Variants in TMEM132A observed in about 807,000 individuals in gnomAD.
TMEM132A encodes GRP78-binding protein.
TMEM132A carries 48 observed loss-of-function variants against 69.9 expected under a neutral mutation model. The observed-to-expected ratio is 0.69, with a 90% CI of 0.55 to 0.87. The LOEUF (loss-of-function observed/expected upper bound fraction) is 0.87, where lower values mean the gene tolerates loss of function less well. Ranked by LOEUF, TMEM132A falls within the 40% of genes least tolerant of loss-of-function variation. TMEM132A has a pLI of 0.00. For synonymous variants in TMEM132A, 577 were observed against 613.7 expected (o/e 0.94, Z 0.88); for missense variants, 1,287 against 1,407.2 (o/e 0.91, Z 1.37).
Position 60,932,051 on chromosome 11 carries a change from CT to C in TMEM132A, c.1281del (p.Val428TrpfsTer10), listed in dbSNP as rs748430651. On this transcript the variant is annotated frameshift_variant, in exon 7 of 11. Transcript: ENST00000453848. LOFTEE classifies it high-confidence loss of function. ...CAGCATGTCCCCGTGCGCCTTGTCA[CT>C]GTGGACGGCGGGGGGGCCTTGGTGG... ...VPQHVPVRLV[T>X]VDGGGALVEV... The C allele has an allele frequency of 1.9e-6, 3 of 1,593,660 alleles. No homozygotes were observed. The Admixed American group carries it at 5.3e-5, about 28-fold the overall frequency.
At chr11:60,930,685 G>A (rs1235048978) in intron 5 of TMEM132A, 26 bp downstream of exon 5, 3 of 1,592,198 alleles carry the variant, frequency 1.9e-6, no homozygotes, top group African/African-American at 1.3e-5. Context: ...CCACCCAGGG[G>A]GCAAAGGAGG....
In TMEM132A at chr11:60,936,828, G is replaced by T. The variant is rs755198034; in HGVS notation, c.2993G>T (p.Arg998Leu). 4 of 1,611,998 alleles carry T rather than the reference G, an allele frequency of 2.5e-6. No homozygotes were observed. The change falls in exon 11 of 11, where the codon CGC becomes CTC. Residue 998 changes from arginine to leucine, a missense_variant. Arg to Leu is a moderately radical substitution (Grantham distance 102). Transcript: ENST00000453848. The part of the protein sequence containing the change: ...SILVAGEEDI[R>L]WVCEDMGLKD... ...CTTGTGGCAGGCGAGGAGGACATCC[G>T]CTGGGTGTGTGAGGACATGGGGCTG...
intron 4 of TMEM132A, 149 bp from the exon 5 acceptor site, chr11:60,930,361 G>A (rs1161305375): frequency 1.6e-5 from 14 of 877,646 alleles, no homozygotes; most frequent in African/African-American, 8.6e-5. Context: ...GCACTGAGGC[G>A]GGGTCCTTCT....
At chr11:60,930,407 A>G in intron 4 of TMEM132A, 103 bp from the exon 5 acceptor site, 1 of 1,358,996 alleles carries the variant, frequency 7.4e-7, no homozygotes, top group Non-Finnish European at 9.9e-7. Context: ...TTCAGACTGG[A>G]GCCAGGGAGG....
chr11:60,926,031 T>A (rs1052540447), intron 1 of TMEM132A: 2 of 152,146 alleles, frequency 1.3e-5, no homozygotes, highest in African/African-American at 4.8e-5. Flanking sequence ...ATAGGAAGAT[T>A]ACTAATTCAG....
chr11:60,927,561 C>T, intron 2 of TMEM132A, 80 bp from the exon 3 acceptor site: 2 of 1,457,894 alleles, frequency 1.4e-6, no homozygotes, highest in South Asian at 2.5e-5. Context: ...AGGTTCTCTT[C>T]TGCCAAGCTG....
In TMEM132A at chr11:60,934,560, G is replaced by C. The variant is rs1856548035; in HGVS notation, c.1632G>C (p.Gln544His). ...CCCGTGGCTGCCACCTGCAGTACCA[G>C]CGGGCCGGTGTGCGCTTCCTCGCCC... The part of the protein sequence containing the change: ...RRARGCHLQY[Q>H]RAGVRFLAPF... The change falls in exon 9 of 11, where the codon CAG becomes CAC. Residue 544 changes from glutamine (Q) to histidine (H), a missense_variant. Transcript: ENST00000453848. 1 of 1,526,544 alleles carries C rather than the reference G, an allele frequency of 6.6e-7. No individual in the cohort carries two copies. The allele number at this position is 1,526,544 out of a possible 1,614,324, so 94.6% of individuals were successfully genotyped here.
chr11:60,934,779 A>G lies in TMEM132A; in HGVS notation c.1836+15A>G. On this transcript the variant is annotated intron_variant, in intron 9 of 10. Coordinates refer to ENST00000453848, the MANE Select transcript of TMEM132A (RefSeq NM_178031.3). Reference sequence around the variant, plus strand: ...CCTCCATTGAGGTAAGCAGCTGGGGACCAGGAGAGTAGACCCCCTGAGAAG... The same window carrying G: ...CCTCCATTGAGGTAAGCAGCTGGGGGCCAGGAGAGTAGACCCCCTGAGAAG... The G allele has an allele frequency of 6.3e-7, 1 of 1,586,084 alleles. No homozygotes were observed. Among genetic ancestry groups the G allele is most frequent in the Non-Finnish European group, 8.6e-7 (1 of 1,163,898 alleles).
At chr11:60,930,433 T>G (rs4939480) in intron 4 of TMEM132A, 77 bp from the exon 5 acceptor site, 6 of 1,478,604 alleles carry the variant, frequency 4.1e-6, no homozygotes, top group Admixed American at 4.5e-5. Context: ...TGGCTTTGGC[T>G]CCTTGTCTTT....
Position 60,934,764 on chromosome 11 carries a change from G to A in TMEM132A, c.1836G>A (p.Glu612=), listed in dbSNP as rs1193582148. The part of the protein sequence containing the change: ...VGREPGVTSI[E]VRSPLSDSIL... Reference sequence around the variant, plus strand: ...GGGAGCCCGGTGTCACCTCCATTGAGGTAAGCAGCTGGGGACCAGGAGAGT... The same window carrying A: ...GGGAGCCCGGTGTCACCTCCATTGAAGTAAGCAGCTGGGGACCAGGAGAGT... The change falls in exon 9 of 11, where the codon GAG becomes GAA. Residue 612 remains glutamate, a splice_region_variant and synonymous_variant. Transcript: ENST00000453848. The A allele has an allele frequency of 1.1e-5, 17 of 1,596,322 alleles. No homozygotes were observed. Among genetic ancestry groups the A allele is most frequent in the Non-Finnish European group, 1.4e-5 (16 of 1,169,964 alleles).
chr11:60,933,588 G>C lies in TMEM132A; in HGVS notation c.1403G>C (p.Arg468Pro). 1 of 1,607,344 alleles carries C rather than the reference G, an allele frequency of 6.2e-7. No individual in the cohort carries two copies. The highest frequency in any genetic ancestry group is 8.5e-7 in the Non-Finnish European group (1 of 1,179,240). ...GTGTTCGTGGCTGGCAAGGAGAGCC[G>C]GGGCGCCCGGGGGGTGCGAGTGGAC... ...DAVFVAGKES[R>P]GARGVRVDFW... The change falls in exon 8 of 11, where the codon CGG becomes CCG. Residue 468 changes from arginine (R) to proline (P), a missense_variant. Physicochemically the swap from Arg to Pro is moderately radical, Grantham distance 103. Coordinates refer to ENST00000453848, the MANE Select transcript of TMEM132A (RefSeq NM_178031.3).
At chr11:60,934,864 G>T in intron 9 of TMEM132A, 100 bp downstream of exon 9, 1 of 1,291,758 alleles carries the variant, frequency 7.7e-7, no homozygotes, top group Non-Finnish European at 1.0e-6. Flanking sequence ...GGAGCCCAGA[G>T]TGTGTGGGGG....
chr11:60,936,341 A>G lies in TMEM132A; in HGVS notation c.2506A>G (p.Met836Val), dbSNP rs144025770. 20 of 1,613,950 alleles carry G rather than the reference A, an allele frequency of 1.2e-5. No homozygotes were observed. The highest frequency in any genetic ancestry group is 1.7e-5 in the Non-Finnish European group (20 of 1,179,990). The change falls in exon 11 of 11, where the codon ATG becomes GTG. Residue 836 changes from methionine to valine, a missense_variant. By Grantham distance (21) the Met-to-Val change is conservative. Transcript: ENST00000453848. ...REEEEEEEEE[M>V]VPAPQHVTEL... is the part of the protein sequence containing the mutation. ...GGAGGAGGAGGAAGAGGAGGAGGAGATGGTCCCTGCCCCTCAGCATGTCAC... is the reference window on the plus strand; with the variant it reads ...GGAGGAGGAGGAAGAGGAGGAGGAGGTGGTCCCTGCCCCTCAGCATGTCAC...
At chr11:60,933,295 A>G (rs980672861) in intron 7 of TMEM132A, 5 of 530,334 alleles carry the variant, frequency 9.4e-6, no homozygotes, top group Non-Finnish European at 1.3e-5. Flanking sequence ...GGATCCTCCC[A>G]CCTCAGCCTC....
intron 7 of TMEM132A, chr11:60,933,314 C>T: frequency 1.8e-6 from 1 of 558,844 alleles, no homozygotes. Flanking sequence ...TCCCCAGTAG[C>T]TAGGACTACA....
At position 60,924,797 on chromosome 11, in the gene TMEM132A, G is replaced by T; in HGVS notation, c.100+64G>T. The T allele has an allele frequency of 2.5e-6, 3 of 1,194,498 alleles. No homozygotes were observed. The South Asian group carries it at 4.5e-5, about 18-fold the overall frequency. 74.0% of individuals were successfully genotyped at this position (1,194,498 alleles called of 1,614,324 possible). A position where few individuals can be genotyped will look rare whatever the true frequency, so the allele number is the denominator to read the frequency against. Reference sequence around the variant, plus strand: ...GCCCGGCCGAGTGGGAGCGAGTGATGCCCGGGAGCCACCAACCTTTGGGTT... The same window carrying T: ...GCCCGGCCGAGTGGGAGCGAGTGATTCCCGGGAGCCACCAACCTTTGGGTT... On this transcript the variant is annotated intron_variant, in intron 1 of 10. Coordinates refer to ENST00000453848, the MANE Select transcript of TMEM132A (RefSeq NM_178031.3).
intron 2 of TMEM132A, 74 bp downstream of exon 2, chr11:60,927,492 G>A (rs1380070011): frequency 7.5e-6 from 11 of 1,467,534 alleles, no homozygotes; most frequent in Non-Finnish European, 8.3e-6. Context: ...CAAATTGGGA[G>A]CCTTCCCCAG....
At position 60,934,741 on chromosome 11, in the gene TMEM132A, G is replaced by C; in HGVS notation, c.1813G>C (p.Glu605Gln). Reference protein sequence around the residue: ...LEGGRVVVGREPGVTSIEVRS... With the variant: ...LEGGRVVVGRQPGVTSIEVRS... The stretch of plus-strand genomic sequence containing the variant: ...GGGTGGCCGTGTCGTGGTGGGCCGG[G>C]AGCCCGGTGTCACCTCCATTGAGGT... The change falls in exon 9 of 11, where the codon GAG becomes CAG. Residue 605 changes from glutamate (E) to glutamine (Q), a missense_variant. Coordinates refer to ENST00000453848, the MANE Select transcript of TMEM132A (RefSeq NM_178031.3). 1 of 1,603,856 alleles carries C rather than the reference G, an allele frequency of 6.2e-7. No homozygotes were observed. The highest frequency in any genetic ancestry group is 8.5e-7 in the Non-Finnish European group (1 of 1,175,792).
intron 1 of TMEM132A, chr11:60,925,978 G>GT (rs1216557171): frequency 1.3e-5 from 2 of 152,204 alleles, no homozygotes; most frequent in East Asian, 3.8e-4. Context: ...GCGCTTCCTA[G>GT]TTTGGGGGAA....
Sources: gnomAD v4.1 joint callset for allele counts on GRCh38, gnomAD v4.1.1 for gene constraint, MANE v1.5 for transcripts, NCBI Gene and HGNC (gene_info 2026-07-23, HGNC 2026-07-21) for gene names.